SIGLEC10: variants seen among roughly 807,000 people sequenced by gnomAD.
SIGLEC10 encodes the protein sialic acid-binding Ig-like lectin 10.
Under a neutral mutation model 68.3 loss-of-function variants are expected in SIGLEC10, and 45 were observed. That is an observed-to-expected ratio of 0.66 (90% CI 0.52 to 0.84). SIGLEC10 has a LOEUF of 0.84. SIGLEC10 is among the 40% of genes least tolerant of loss of function. The probability of loss-of-function intolerance (pLI) is 0.00; values close to 1 mark genes in which losing one functional copy is unlikely to be tolerated. For synonymous variants in SIGLEC10, 379 were observed against 370.8 expected (o/e 1.02, Z -0.26); for missense variants, 789 against 883.1 (o/e 0.89, Z 1.35).
At chr19:51,411,507 G>A in intron 10 of SIGLEC10, 136 bp from the exon 11 acceptor site, 1 of 1,127,116 alleles carries the variant, frequency 8.9e-7, no homozygotes, top group South Asian at 1.6e-5. Flanking sequence ...ATTCCATCTT[G>A]GAAGGAGGAA....
Position 51,411,043 on chromosome 19 carries a change from C to G in SIGLEC10, c.*56G>C. 2 of 1,562,956 alleles carry G rather than the reference C, an allele frequency of 1.3e-6. No homozygotes were observed. The highest frequency in any genetic ancestry group is 2.4e-5 in the South Asian group (2 of 84,804). ...AACTTTGCACTCTGTTATCTTCAAC[C>G]TCTTACTCTACCTTCCTCCCTAGCC... On this transcript the variant is annotated 3_prime_UTR_variant, in exon 11 of 11. Coordinates refer to ENST00000339313, the MANE Select transcript of SIGLEC10 (RefSeq NM_033130.5).
chr19:51,414,987 C>T lies in SIGLEC10; in HGVS notation c.1452G>A (p.Glu484=), dbSNP rs1988439142. The T allele has an allele frequency of 6.2e-7, 1 of 1,612,894 alleles. No individual in the cohort carries two copies. Among genetic ancestry groups the T allele is most frequent in the Non-Finnish European group, 8.5e-7 (1 of 1,179,854 alleles). The change falls in exon 8 of 11, where the codon GAG becomes GAA. Residue 484 remains glutamate, a synonymous_variant. Transcript: ENST00000339313. This position sits in a 1 kb window ranked among gnomAD's most constrained non-coding sequence, Gnocchi z 4.1. The part of the protein sequence containing the change: ...LRWWLGEELL[E]GNSSQDSFEV... ...CGAAGGAGTCCTGGCTGCTGTTCCC[C>T]TCCAGCAGCTCCTCCCCAAGCCACC...
At position 51,414,500 on chromosome 19, in the gene SIGLEC10, A is replaced by G. The variant is rs1269092003; in HGVS notation, c.1631T>C (p.Ile544Thr). 1 of 1,613,898 alleles carries G rather than the reference A, an allele frequency of 6.2e-7. No individual in the cohort carries two copies. The highest frequency in any genetic ancestry group is 1.7e-5 in the Admixed American group (1 of 59,988). ...ILQLPDKKGLISTAFSNGAFL... is the reference protein window; with the variant it reads ...ILQLPDKKGLTSTAFSNGAFL... ...CGCTCCGTTGGAGAATGCCGTTGAG[A>G]TGAGTCCCTTCTTATCTGCACACGG... Residue 544 changes from isoleucine to threonine, a missense_variant, in exon 9 of 11, where the codon ATC becomes ACC. Ile to Thr is a moderately conservative substitution (Grantham distance 89, BLOSUM62 -1). Transcript: ENST00000339313. The surrounding 1 kb of genome is among the most constrained non-coding windows in gnomAD (Gnocchi z 4.1).
rs759573233 is a variant in SIGLEC10, at chr19:51,415,021, G to C, written c.1418C>G (p.Ser473Cys). 9 of 1,610,504 alleles carry C rather than the reference G, an allele frequency of 5.6e-6. No individual in the cohort carries two copies. Among genetic ancestry groups the C allele is most frequent in the Admixed American group, 1.7e-5 (1 of 59,422 alleles). Residue 473 changes from serine to cysteine, a missense_variant, in exon 8 of 11, where the codon TCT becomes TGT. Coordinates refer to ENST00000339313, the MANE Select transcript of SIGLEC10 (RefSeq NM_033130.5). ...SCSSQASPAP[S>C]LRWWLGEELL... Reference sequence around the variant, plus strand: ...CTCCTCCCCAAGCCACCAGCGCAGAGAGGGGGCCGGGCTGGCCTGGGAGGA... The same window carrying C: ...CTCCTCCCCAAGCCACCAGCGCAGACAGGGGGCCGGGCTGGCCTGGGAGGA...
rs538861010 is a variant in SIGLEC10, at chr19:51,417,050, TGA to T, written c.421+30_421+31del. ...CTGTCCCCAGGGTCCCTCCCCAGTG[TGA>T]GAGGCAGGGGTTCCCACCCCATTCC... On this transcript the variant is annotated intron_variant, in intron 2 of 10. Coordinates refer to ENST00000339313, the MANE Select transcript of SIGLEC10 (RefSeq NM_033130.5). The T allele has an allele frequency of 1.8e-3, 2,882 of 1,606,780 alleles. 6 individuals are homozygous for T. Among genetic ancestry groups the T allele is most frequent in the Admixed American group, 2.2e-3 (129 of 59,742 alleles).
chr19:51,415,788 G>A (rs534416242), intron 5 of SIGLEC10, 110 bp downstream of exon 5: 205 of 1,569,234 alleles, frequency 1.3e-4, no homozygotes, highest in African/African-American at 1.6e-4. Flanking sequence ...TAAGAAGGTC[G>A]GTCTCCGAGG....
Position 51,410,489 on chromosome 19 carries a change from C to T in SIGLEC10, c.*610G>A. 6.5e-6 allele frequency: 1 copy of T among 152,734 alleles called. No homozygotes were observed. Among genetic ancestry groups the T allele is most frequent in the East Asian group, 1.9e-4 (1 of 5,192 alleles). 9.5% of individuals were successfully genotyped at this position (152,734 alleles called of 1,614,324 possible). On this transcript the variant is annotated 3_prime_UTR_variant, in exon 11 of 11. Coordinates refer to ENST00000339313, the MANE Select transcript of SIGLEC10 (RefSeq NM_033130.5). Reference sequence around the variant, plus strand: ...TTGCTCTGGTTTAAATGTCTGACAGCTGGGACTACAGGCACACACCACCAA... The same window carrying T: ...TTGCTCTGGTTTAAATGTCTGACAGTTGGGACTACAGGCACACACCACCAA...
chr19:51,417,631 C>G lies in SIGLEC10; in HGVS notation c.-50G>C, dbSNP rs779261417. 3.1e-6 allele frequency: 5 copies of G among 1,611,582 alleles called. No homozygotes were observed. Among genetic ancestry groups the G allele is most frequent in the African/African-American group, 1.3e-5 (1 of 75,014 alleles). On this transcript the variant is annotated 5_prime_UTR_variant, in exon 1 of 11. Transcript: ENST00000339313. ...GCCTGAGACAGGCCTGTTCTCTGGTCGTGCTGTGAGTGGCTCAGGGCTCTT... is the reference window on the plus strand; with the variant it reads ...GCCTGAGACAGGCCTGTTCTCTGGTGGTGCTGTGAGTGGCTCAGGGCTCTT...
chr19:51,413,838 C>T lies in SIGLEC10; in HGVS notation c.1710-15G>A. 2 of 1,609,418 alleles carry T rather than the reference C, an allele frequency of 1.2e-6. No homozygotes were observed. Among genetic ancestry groups the T allele is most frequent in the East Asian group, 2.2e-5 (1 of 44,866 alleles). ...GAATCTTCATGCTGAGGAAATGAAC[C>T]CACCTGTTTGTGCCCTGCTGCACCT... is the stretch of plus-strand genomic sequence containing the variant. On this transcript the variant is annotated splice_polypyrimidine_tract_variant and intron_variant, in intron 9 of 10. Coordinates refer to ENST00000339313, the MANE Select transcript of SIGLEC10 (RefSeq NM_033130.5).
At chr19:51,417,020 A>T in intron 2 of SIGLEC10, 62 bp downstream of exon 2, 2 of 1,598,328 alleles carry the variant, frequency 1.3e-6, no homozygotes, top group Non-Finnish European at 1.7e-6. Flanking sequence ...TGCTCAGCCC[A>T]TAGGCTGTCC....
chr19:51,415,371 A>G lies in SIGLEC10; in HGVS notation c.1140T>C (p.Cys380=). 1 of 1,612,574 alleles carries G rather than the reference A, an allele frequency of 6.2e-7. No individual in the cohort carries two copies. Among genetic ancestry groups the G allele is most frequent in the African/African-American group, 1.3e-5 (1 of 75,002 alleles). Residue 380 remains cysteine (C), a synonymous_variant, in exon 7 of 11, where the codon TGT becomes TGC. Coordinates refer to ENST00000339313, the MANE Select transcript of SIGLEC10 (RefSeq NM_033130.5). ...VLEGQSLCLV[C]VTHSSPPARL... ...TGGCTGGGGGGCTGCTGTGTGTGACACAGACCAGGCACAGGCTTTGGCCCT... is the reference window on the plus strand; with the variant it reads ...TGGCTGGGGGGCTGCTGTGTGTGACGCAGACCAGGCACAGGCTTTGGCCCT...
rs201376644 is a variant in SIGLEC10, at chr19:51,416,048, T to C, written c.874A>G (p.Asn292Asp). 2.0e-3 allele frequency: 3,221 copies of C among 1,589,204 alleles called. 4 individuals are homozygous for C. The African/African-American group carries it at 0.021, about 10-fold the overall frequency. ...GGATGGGACGAGGAGAGGACTCTGTTCTGCAGGACCCAGCTCAGTGTGGCA... is the reference window on the plus strand; with the variant it reads ...GGATGGGACGAGGAGAGGACTCTGTCCTGCAGGACCCAGCTCAGTGTGGCA... ...PPATLSWVLQ[N>D]RVLSSSHPWG... is the part of the protein sequence containing the mutation. The change falls in exon 5 of 11, where the codon AAC (asparagine) becomes GAC (aspartate). Residue 292 changes from asparagine to aspartate, a missense_variant. By Grantham distance (23) the Asn-to-Asp change is conservative (BLOSUM62 1). Coordinates refer to ENST00000339313, the MANE Select transcript of SIGLEC10 (RefSeq NM_033130.5).
In SIGLEC10 at chr19:51,410,656, A is replaced by G. The variant is rs1190488862; in HGVS notation, c.*443T>C. On this transcript the variant is annotated 3_prime_UTR_variant, in exon 11 of 11. Coordinates refer to ENST00000339313, the MANE Select transcript of SIGLEC10 (RefSeq NM_033130.5). Reference sequence around the variant, plus strand: ...TACAGACACCCAACCCATTTGGAGGATTTTTTTTTTGAGATGGAGTCTCGC... The same window carrying G: ...TACAGACACCCAACCCATTTGGAGGGTTTTTTTTTTGAGATGGAGTCTCGC... The G allele has an allele frequency of 6.7e-6, 1 of 149,246 alleles. No homozygotes were observed. Among genetic ancestry groups the G allele is most frequent in the Non-Finnish European group, 1.5e-5 (1 of 68,858 alleles). The allele number at this position is 149,246 out of a possible 1,614,324, so 9.2% of individuals were successfully genotyped here.
chr19:51,412,826 G>A (rs1239419601), intron 10 of SIGLEC10, among the ~76,000 whole-genome samples: 1 of 151,340 alleles, frequency 6.6e-6, no homozygotes, highest in Non-Finnish European at 1.5e-5. Context: ...TGGAGTGCAT[G>A]GTGTCATCAT....
chr19:51,411,095 A>C lies in SIGLEC10; in HGVS notation c.*4T>G. On this transcript the variant is annotated 3_prime_UTR_variant, in exon 11 of 11. Coordinates refer to ENST00000339313, the MANE Select transcript of SIGLEC10 (RefSeq NM_033130.5). The stretch of plus-strand genomic sequence containing the variant: ...AAGTCCCAGTCCTAAAGCCTAAGAG[A>C]CCCTCATTGGAACTTGACTTCTGCA... 6.2e-7 allele frequency: 1 copy of C among 1,611,592 alleles called. No homozygotes were observed. Among genetic ancestry groups the C allele is most frequent in the South Asian group, 1.1e-5 (1 of 91,046 alleles).
rs776186809 is a variant in SIGLEC10 at position 51,416,121 on chromosome 19, T to C, written c.801A>G (p.Gln267=). ...AGAGGAGCCGCAGGAACTGGCCTTT[T>C]TGGGCTTCCAGGTATGGGACATTTC... ...PQGNVPYLEA[Q]KGQFLRLLCA... is the part of the protein sequence containing the mutation. Residue 267 remains glutamine, a synonymous_variant, in exon 5 of 11, where the codon CAA becomes CAG. Transcript: ENST00000339313. The C allele has an allele frequency of 1.6e-5, 26 of 1,607,080 alleles. No homozygotes were observed. The highest frequency in any genetic ancestry group is 2.2e-5 in the Non-Finnish European group (26 of 1,177,040).
chr19:51,412,944 T>G (rs1988156833), intron 10 of SIGLEC10, among the ~76,000 whole-genome samples: 1 of 152,092 alleles, frequency 6.6e-6, no homozygotes, highest in East Asian at 1.9e-4. Flanking sequence ...ATTTTTTATT[T>G]TTTTTGTAGA....
chr19:51,416,543 A>G, intron 3 of SIGLEC10, 123 bp downstream of exon 3: 1 of 1,569,470 alleles, frequency 6.4e-7, no homozygotes. Context: ...GCATCCTGGG[A>G]CCCCACAGCT....
At position 51,416,135 on chromosome 19, in the gene SIGLEC10, A is replaced by G. The variant is rs1240765188; in HGVS notation, c.787T>C (p.Tyr263His). The change falls in exon 5 of 11, where the codon TAC (tyrosine) becomes CAC (histidine). Residue 263 changes from tyrosine to histidine, a missense_variant. Tyr to His is a moderately conservative substitution (Grantham distance 83). Coordinates refer to ENST00000339313, the MANE Select transcript of SIGLEC10 (RefSeq NM_033130.5). ...AACTGGCCTTTTTGGGCTTCCAGGT[A>G]TGGGACATTTCCCTGGGGCTGGGGC... ...LEPQPQGNVPYLEAQKGQFLR... is the reference protein window; with the variant it reads ...LEPQPQGNVPHLEAQKGQFLR... 6.8e-6 allele frequency: 11 copies of G among 1,608,046 alleles called. No individual in the cohort carries two copies. Among genetic ancestry groups the G allele is most frequent in the South Asian group, 6.6e-5 (6 of 90,740 alleles).
Sources: gnomAD v4.1 joint callset for allele counts (sites outside exome capture counted in the v4.1 genomes callset) on GRCh38, gnomAD v4.1.1 for gene constraint, Gnocchi (gnomAD v3.1) non-coding constraint, MANE v1.5 for transcripts, NCBI Gene and HGNC (gene_info 2026-07-23, HGNC 2026-07-21) for gene names.